The following LINGO2 variants were observed in gnomAD, a reference collection of about 807,000 sequenced individuals.
LINGO2 encodes leucine-rich repeat and immunoglobulin-like domain-containing nogo receptor-interacting protein 2.
LINGO2 carries 14 observed loss-of-function variants against 30.6 expected under a neutral mutation model. The observed-to-expected ratio is 0.46, with a 90% CI of 0.30 to 0.72. The LOEUF (loss-of-function observed/expected upper bound fraction) is 0.72. Ranked by LOEUF, LINGO2 falls within the 30% of genes least tolerant of loss-of-function variation. LINGO2 has a pLI of 0.07. For missense variants in LINGO2, 729 were observed against 751.7 expected (o/e 0.97, Z 0.35); for synonymous variants, 317 against 288.5 (o/e 1.10, Z -1.00).
At chr9:28,177,479 C>T (rs1329489636) in intron 4 of LINGO2, among the ~76,000 whole-genome samples, 1 of 152,148 alleles carries the variant, frequency 6.6e-6, no homozygotes, top group African/African-American at 2.4e-5. Flanking sequence ...CTGCAATCCA[C>T]CACTAACCTG....
intron 4 of LINGO2, among the ~76,000 whole-genome samples, chr9:28,183,978 C>A (rs1034992389): frequency 6.6e-6 from 1 of 152,208 alleles, no homozygotes; most frequent in Non-Finnish European, 1.5e-5. Context: ...CAAAGCCCTA[C>A]CTGGGCCTCA....
the LINGO2 span, among the ~76,000 whole-genome samples, chr9:29,090,106 G>A: frequency 2.0e-5 from 3 of 151,878 alleles, no homozygotes; most frequent in African/African-American, 7.3e-5. Context: ...AAATATGGGA[G>A]GTCTTTGTTT....
intron 2 of LINGO2, among the ~76,000 whole-genome samples, chr9:28,448,819 G>T (rs961043168): frequency 2.0e-5 from 3 of 151,610 alleles, no homozygotes; most frequent in Non-Finnish European, 4.4e-5. Context: ...AGTGTGATGA[G>T]AGAGTGCAGC....
the LINGO2 span, among the ~76,000 whole-genome samples, chr9:29,050,597 A>G: frequency 1.4e-4 from 22 of 152,294 alleles, no homozygotes; most frequent in African/African-American, 5.3e-4. Flanking sequence ...TATGTGAGCA[A>G]TTGTGGATGT....
intron 4 of LINGO2, among the ~76,000 whole-genome samples, chr9:28,091,593 AT>A (rs1484022765): frequency 6.6e-6 from 1 of 152,212 alleles, no homozygotes; most frequent in Non-Finnish European, 1.5e-5. Flanking sequence ...AAACCATAAA[AT>A]CCCTAGAAGA....
intron 4 of LINGO2, among the ~76,000 whole-genome samples, chr9:28,280,063 T>C (rs1219274927): frequency 6.6e-6 from 1 of 152,126 alleles, no homozygotes; most frequent in African/African-American, 2.4e-5. Context: ...TTTATAACTA[T>C]CTTCTGACTG....
At chr9:28,231,158 G>T (rs1276629187) in intron 4 of LINGO2, among the ~76,000 whole-genome samples, 2 of 142,302 alleles carry the variant, frequency 1.4e-5, no homozygotes, top group East Asian at 4.2e-4. Context: ...GTTAGCTTAA[G>T]CCTCAAAAAA....
chr9:28,885,109 G>A, the LINGO2 span, among the ~76,000 whole-genome samples: 1 of 142,994 alleles, frequency 7.0e-6, no homozygotes, highest in Non-Finnish European at 1.5e-5. Context: ...CCTTTGGCTG[G>A]CCCTCCTCTC....
chr9:28,998,878 G>A, the LINGO2 span, among the ~76,000 whole-genome samples: 1 of 146,174 alleles, frequency 6.8e-6, no homozygotes, highest in South Asian at 2.2e-4. Flanking sequence ...CAGTACATGA[G>A]AAGCTCTAAG....
chr9:29,074,376 G>A, the LINGO2 span, among the ~76,000 whole-genome samples: 1 of 151,992 alleles, frequency 6.6e-6, no homozygotes, highest in Non-Finnish European at 1.5e-5. Context: ...TGCATAAAAA[G>A]AACCCACAAA....
intron 2 of LINGO2, among the ~76,000 whole-genome samples, chr9:28,412,725 T>A (rs1168002528): frequency 6.6e-6 from 1 of 152,102 alleles, no homozygotes; most frequent in Admixed American, 6.6e-5. Context: ...AGCAATGACA[T>A]AAAATATGCA....
At chr9:28,097,964 A>G (rs1417822085) in intron 4 of LINGO2, among the ~76,000 whole-genome samples, 2 of 152,178 alleles carry the variant, frequency 1.3e-5, no homozygotes, top group Non-Finnish European at 2.9e-5. Context: ...TGCTTAGCCA[A>G]TGCTTCTCTT....
intron 4 of LINGO2, among the ~76,000 whole-genome samples, chr9:28,081,672 A>G (rs1171352740): frequency 6.6e-6 from 1 of 152,180 alleles, no homozygotes; most frequent in Non-Finnish European, 1.5e-5. Context: ...ATGACCTTGG[A>G]TGAGTTACTT....
At position 28,467,978 on chromosome 9, in the gene LINGO2, T is replaced by G. The variant is rs571931959; in HGVS notation, c.-279+7962A>C. On this transcript the variant is annotated intron_variant, in intron 2 of 5. Coordinates refer to ENST00000379992, the Ensembl canonical transcript of LINGO2. ...ATACAATATTGTATTACATTCACAA[T>G]GTATTTTGTTAAAAACTTTTAAAAA... Among the ~76,000 whole-genome samples the G allele has an allele frequency of 2.0e-5, 3 of 152,304 alleles. No individual in the cohort carries two copies. The South Asian group carries it at 6.2e-4, about 32-fold the overall frequency.
chr9:28,311,286 G>A (rs558212955), intron 3 of LINGO2, among the ~76,000 whole-genome samples: 22 of 152,156 alleles, frequency 1.4e-4, no homozygotes, highest in Admixed American at 3.9e-4. Flanking sequence ...CAGGACCACA[G>A]GACCGGGGCA....
chr9:28,902,993 AAAGT>A, the LINGO2 span, among the ~76,000 whole-genome samples: 1 of 151,934 alleles, frequency 6.6e-6, no homozygotes, highest in Non-Finnish European at 1.5e-5. Flanking sequence ...AACTAAACCT[AAAGT>A]TAGTAGGAGG....
intron 3 of LINGO2, among the ~76,000 whole-genome samples, chr9:28,342,355 T>TC (rs1378841844): frequency 2.0e-5 from 3 of 152,080 alleles, no homozygotes; most frequent in Admixed American, 6.6e-5. Context: ...AAAGAAATAG[T>TC]CCAACAAACA....
intron 1 of LINGO2, among the ~76,000 whole-genome samples, chr9:28,584,768 C>G (rs1824446344): frequency 6.6e-6 from 1 of 151,908 alleles, no homozygotes; most frequent in Non-Finnish European, 1.5e-5. Flanking sequence ...GAAGAGAGAT[C>G]AGAAAGAAAA....
chr9:28,371,253 TA>T (rs1195021164), intron 3 of LINGO2, among the ~76,000 whole-genome samples: 1 of 152,244 alleles, frequency 6.6e-6, no homozygotes, highest in Non-Finnish European at 1.5e-5. Context: ...ATTGACGTTT[TA>T]AACTTTTATA....
Sources: gnomAD v4.1 joint callset for allele counts (sites outside exome capture counted in the v4.1 genomes callset) on GRCh38, gnomAD v4.1.1 for gene constraint, MANE v1.5 for transcripts, NCBI Gene and HGNC (gene_info 2026-07-23, HGNC 2026-07-21) for gene names.